DYNC1I1: variants seen among roughly 807,000 people sequenced by gnomAD.
DYNC1I1 encodes cytoplasmic dynein 1 intermediate chain 1.
In DYNC1I1, 43 loss-of-function variants were observed where a neutral mutation model predicts 86.6. The ratio of observed to expected loss-of-function variants is 0.50; its 90% CI spans 0.39 to 0.64. The LOEUF (loss-of-function observed/expected upper bound fraction) is 0.64, where lower values mean the gene tolerates loss of function less well. Among genes scored for constraint, DYNC1I1 ranks in the 30% least tolerant of loss-of-function variants. The pLI, the probability that DYNC1I1 is intolerant of heterozygous loss-of-function variation, is 0.00. For synonymous variants in DYNC1I1, 262 were observed against 283.7 expected, an observed-to-expected ratio of 0.92 and a Z score of 0.77; for missense variants, 604 against 788.8, an observed-to-expected ratio of 0.77 and a Z score of 2.81.
Position 95,995,533 on chromosome 7 carries a change from C to T in DYNC1I1, c.844-415C>T, listed in dbSNP as rs75471781. ...TACCAGCATGTTAAGCTTATTAAAG[C>T]CACTGGAGTAGATGAACTTACTCAG... On this transcript the variant is annotated intron_variant, in intron 9 of 16. Coordinates refer to ENST00000447467, the MANE Select transcript of DYNC1I1 (RefSeq NM_001135556.2). Among the ~76,000 whole-genome samples the T allele has an allele frequency of 1.4e-4, 22 of 152,210 alleles. No homozygotes were observed. The East Asian group carries it at 4.2e-3, about 29-fold the overall frequency.
chr7:95,812,592 G>A (rs534011893), intron 3 of DYNC1I1, among the ~76,000 whole-genome samples: 1 of 152,236 alleles, frequency 6.6e-6, no homozygotes, highest in South Asian at 2.1e-4. Context: ...ACAGTACAAT[G>A]GGATGCAACT....
At chr7:95,840,758 C>T (rs1789259326) in intron 5 of DYNC1I1, among the ~76,000 whole-genome samples, 1 of 152,240 alleles carries the variant, frequency 6.6e-6, no homozygotes, top group Admixed American at 6.5e-5. Context: ...TGCTTCCAAA[C>T]TGCCATCTGT....
At chr7:95,884,663 G>A (rs1039153726) in intron 6 of DYNC1I1, among the ~76,000 whole-genome samples, 75 of 152,200 alleles carry the variant, frequency 4.9e-4, no homozygotes, top group Non-Finnish European at 7.1e-4. Flanking sequence ...GCCGGGCATG[G>A]TGGCTCACAC....
At chr7:95,909,476 G>A (rs539327612) in intron 6 of DYNC1I1, among the ~76,000 whole-genome samples, 50 of 152,186 alleles carry the variant, frequency 3.3e-4, no homozygotes, top group Non-Finnish European at 6.0e-4. Context: ...GTTTCAGGGG[G>A]CATGGCTTGG....
chr7:96,092,961 AGGT>A (rs1790891366), intron 16 of DYNC1I1, among the ~76,000 whole-genome samples: 1 of 152,106 alleles, frequency 6.6e-6, no homozygotes, highest in South Asian at 2.1e-4. Context: ...CCACACTAAC[AGGT>A]GAAGGTTATG....
At chr7:95,836,663 A>G (rs1395873770) in intron 5 of DYNC1I1, among the ~76,000 whole-genome samples, 2 of 151,750 alleles carry the variant, frequency 1.3e-5, no homozygotes, top group Non-Finnish European at 1.5e-5. Flanking sequence ...GGCTTTGCTC[A>G]TTTCTTTTTA....
At chr7:96,070,696 C>T (rs77909595) in intron 14 of DYNC1I1, among the ~76,000 whole-genome samples, 9,077 of 152,196 alleles carry the variant, frequency 0.06, 399 homozygotes, top group African/African-American at 0.13. Context: ...AATGCAGCCT[C>T]GAGAACCACA....
At chr7:95,828,423 C>T (rs564374059) in intron 5 of DYNC1I1, among the ~76,000 whole-genome samples, 25 of 152,158 alleles carry the variant, frequency 1.6e-4, no homozygotes, top group African/African-American at 3.4e-4. Context: ...AGTTCTGCAG[C>T]GGGAGATATG....
intron 10 of DYNC1I1, among the ~76,000 whole-genome samples, chr7:96,012,761 G>A (rs1398249781): frequency 6.6e-6 from 1 of 152,124 alleles, no homozygotes; most frequent in Non-Finnish European, 1.5e-5. Context: ...TCAAGTATTT[G>A]TTGACCACGC....
intron 4 of DYNC1I1, among the ~76,000 whole-genome samples, chr7:95,815,767 A>G (rs1208225117): frequency 6.6e-6 from 1 of 152,218 alleles, no homozygotes; most frequent in Non-Finnish European, 1.5e-5. Flanking sequence ...TCTTCAAAAA[A>G]TGGTAAATCT....
At chr7:95,949,496 C>T (rs1792495977) in intron 6 of DYNC1I1, among the ~76,000 whole-genome samples, 1 of 152,192 alleles carries the variant, frequency 6.6e-6, no homozygotes, top group South Asian at 2.1e-4. Flanking sequence ...TAACTTAAGC[C>T]TGGCTCACCA....
intron 1 of DYNC1I1, among the ~76,000 whole-genome samples, chr7:95,782,503 G>C (rs567402122): frequency 6.6e-6 from 1 of 152,320 alleles, no homozygotes; most frequent in African/African-American, 2.4e-5. Context: ...ACCCTGTATG[G>C]GATGGGGAGC....
intron 6 of DYNC1I1, among the ~76,000 whole-genome samples, chr7:95,876,500 A>C (rs1407023868): frequency 1.3e-5 from 2 of 151,918 alleles, no homozygotes; most frequent in African/African-American, 4.8e-5. Flanking sequence ...TAGCTGTTTT[A>C]TTTTCATTCT....
intron 16 of DYNC1I1, among the ~76,000 whole-genome samples, chr7:96,082,553 GT>G (rs1380507634): frequency 6.6e-6 from 1 of 152,044 alleles, no homozygotes; most frequent in Non-Finnish European, 1.5e-5. Flanking sequence ...AAACAGATTA[GT>G]TTAACAATCT....
chr7:95,870,967 T>A (rs907295321), intron 6 of DYNC1I1, among the ~76,000 whole-genome samples: 2 of 152,236 alleles, frequency 1.3e-5, no homozygotes, highest in African/African-American at 2.4e-5. Context: ...TCTGGGTTCC[T>A]TGTTGCTATG....
At chr7:95,865,934 C>CT (rs1188948391) in intron 5 of DYNC1I1, among the ~76,000 whole-genome samples, 1 of 152,120 alleles carries the variant, frequency 6.6e-6, no homozygotes, top group Non-Finnish European at 1.5e-5. Context: ...GTACCAAGGG[C>CT]TATGGCAGCA....
At chr7:95,796,292 GTCTC>G (rs574506893) in intron 1 of DYNC1I1, among the ~76,000 whole-genome samples, 2 of 151,520 alleles carry the variant, frequency 1.3e-5, no homozygotes, top group African/African-American at 4.8e-5. Context: ...GTTCTATGGG[GTCTC>G]TCTCTCTCTC....
At chr7:95,870,266 C>T (rs1208537533) in intron 6 of DYNC1I1, among the ~76,000 whole-genome samples, 1 of 152,108 alleles carries the variant, frequency 6.6e-6, no homozygotes, top group Non-Finnish European at 1.5e-5. Flanking sequence ...CAAAAATCAT[C>T]AAAGAACAAT....
At chr7:95,908,403 G>A (rs888995130) in intron 6 of DYNC1I1, among the ~76,000 whole-genome samples, 1 of 152,022 alleles carries the variant, frequency 6.6e-6, no homozygotes, top group Non-Finnish European at 1.5e-5. Flanking sequence ...AAAAACACTG[G>A]TAGGCACTAT....
Sources: allele counts gnomAD v4.1 joint callset (sites outside exome capture counted in the v4.1 genomes callset), GRCh38; gene constraint gnomAD v4.1.1; transcripts MANE v1.5; gene names NCBI Gene and HGNC (gene_info 2026-07-23, HGNC 2026-07-21).